Variants in AFF3 observed in about 807,000 individuals in gnomAD.
AFF3 encodes the protein ALF transcription elongation factor 3, also known as AF4/FMR2 family member 3.
AFF3 carries 32 observed loss-of-function variants against 129.7 expected under a neutral mutation model. The ratio of observed to expected loss-of-function variants is 0.25; its 90% CI spans 0.19 to 0.33. The LOEUF is 0.33. Among genes scored for constraint, AFF3 ranks in the 10% least tolerant of loss-of-function variants. AFF3 has a pLI of 1.00. For missense variants in AFF3, 1,373 were observed against 1,592.0 expected (o/e 0.86, Z 2.34); for synonymous variants, 644 against 635.4 (o/e 1.01, Z -0.20).
chr2:100,038,337 C>G (rs1252872316), intron 4 of AFF3, among the ~76,000 whole-genome samples: 4 of 151,448 alleles, frequency 2.6e-5, no homozygotes, highest in African/African-American at 9.7e-5. Context: ...TCCAGCCTTC[C>G]AGCAACAATC....
intron 7 of AFF3, among the ~76,000 whole-genome samples, chr2:99,853,368 T>A (rs1690285641): frequency 6.6e-6 from 1 of 152,216 alleles, no homozygotes; most frequent in Non-Finnish European, 1.5e-5. Context: ...TGGAGCATAA[T>A]TTTTGTTTCA....
chr2:100,096,437 T>C (rs1374402514), intron 4 of AFF3, among the ~76,000 whole-genome samples: 2 of 151,984 alleles, frequency 1.3e-5, no homozygotes, highest in Non-Finnish European at 2.9e-5. Context: ...AAATAAATAC[T>C]GCATCTAAAC....
intron 7 of AFF3, among the ~76,000 whole-genome samples, chr2:99,859,316 T>C (rs1690790841): frequency 6.6e-6 from 1 of 152,174 alleles, no homozygotes; most frequent in Admixed American, 6.5e-5. Flanking sequence ...TGGAATTTCT[T>C]TTTCTTTTGA....
chr2:99,788,286 G>A (rs1051079649), intron 8 of AFF3, among the ~76,000 whole-genome samples: 3 of 152,026 alleles, frequency 2.0e-5, no homozygotes, highest in Admixed American at 1.3e-4. Context: ...TTCCTCATGA[G>A]GTATCCAGAA....
rs1016079488 is a variant in AFF3 at position 99,877,545 on chromosome 2, G to A, written c.874-40021C>T. On this transcript the variant is annotated intron_variant, in intron 7 of 24. Transcript: ENST00000672756. ...ATAGACAGGGAACCTCCTTTATGAC[G>A]AGACTGTCACTGGCACTTTATTAAA... 3.3e-5 allele frequency among the ~76,000 whole-genome samples: 5 copies of A among 152,282 alleles called. 1 individual carries two copies. Among genetic ancestry groups the A allele is most frequent in the East Asian group, 3.9e-4 (2 of 5,178 alleles).
At chr2:100,049,859 G>A (rs1432790752) in intron 4 of AFF3, among the ~76,000 whole-genome samples, 1 of 152,150 alleles carries the variant, frequency 6.6e-6, no homozygotes, top group Non-Finnish European at 1.5e-5. Context: ...CAAACTTCAA[G>A]AAACATTACT....
intron 7 of AFF3, among the ~76,000 whole-genome samples, chr2:99,886,602 C>T (rs868389398): frequency 1.3e-5 from 2 of 152,244 alleles, no homozygotes; most frequent in East Asian, 3.9e-4. Context: ...TAGGAAAACT[C>T]CTCATTGCAT....
At chr2:99,558,747 G>C in intron 22 of AFF3, 128 bp downstream of exon 22, 1 of 770,104 alleles carries the variant, frequency 1.3e-6, no homozygotes, top group South Asian at 2.0e-5. Context: ...GGCATAAATG[G>C]GGTTACCTTG....
intron 3 of AFF3, chr2:100,104,728 G>GCCGCCC: frequency 1.1e-6 from 1 of 944,340 alleles, no homozygotes; most frequent in South Asian, 5.0e-5. Context: ...CCGCGCCGCC[G>GCCGCCC]CCGCCCCCCG....
At chr2:99,742,269 A>G (rs1680781527) in intron 10 of AFF3, among the ~76,000 whole-genome samples, 1 of 152,148 alleles carries the variant, frequency 6.6e-6, no homozygotes, top group Non-Finnish European at 1.5e-5. Context: ...GCTTGAGCCC[A>G]GGAATTCAAG....
At chr2:99,714,377 G>A (rs1678187916) in intron 11 of AFF3, among the ~76,000 whole-genome samples, 1 of 152,196 alleles carries the variant, frequency 6.6e-6, no homozygotes, top group Non-Finnish European at 1.5e-5. Flanking sequence ...TGAGGAACTT[G>A]AAGAGGCCCT....
At chr2:99,993,960 C>A (rs1218688462) in intron 7 of AFF3, among the ~76,000 whole-genome samples, 1 of 151,430 alleles carries the variant, frequency 6.6e-6, no homozygotes, top group South Asian at 2.1e-4. Flanking sequence ...CGCCCACCAC[C>A]ATGCCCGGCT....
At chr2:99,736,608 ATTTTTT>A (rs11399049) in intron 10 of AFF3, among the ~76,000 whole-genome samples, 5 of 125,706 alleles carry the variant, frequency 4.0e-5, no homozygotes, top group Non-Finnish European at 8.0e-5. Context: ...TAAATTACTG[ATTTTTT>A]TTTTTTTTTT....
intron 1 of AFF3, among the ~76,000 whole-genome samples, chr2:100,140,854 TCACTGCTCTGG>T (rs1031607320): frequency 1.6e-4 from 25 of 152,286 alleles, no homozygotes; most frequent in Admixed American, 9.1e-4. Flanking sequence ...GACTGTAATG[TCACTGCTCTGG>T]CCTTAAGTGT....
rs537012534 is a variant in AFF3 at position 99,596,844 on chromosome 2, G to A, written c.1372-2555C>T. Among the ~76,000 whole-genome samples the A allele has an allele frequency of 2.0e-5, 3 of 152,254 alleles. No homozygotes were observed. In the East Asian group the frequency reaches 5.8e-4, roughly 29 times the overall value. ...CATTTTTTCTGCACTTCACAGCTGA[G>A]GAAATCAGTTTGAAGTACCCACTTT... On this transcript the variant is annotated intron_variant, in intron 14 of 24. Coordinates refer to ENST00000672756, the MANE Select transcript of AFF3 (RefSeq NM_001386135.1).
chr2:99,933,813 C>T (rs544269926), intron 7 of AFF3, among the ~76,000 whole-genome samples: 3 of 152,238 alleles, frequency 2.0e-5, no homozygotes, highest in Admixed American at 1.3e-4. Context: ...CATACATGTA[C>T]ATGTGTGAAA....
At chr2:100,035,627 T>C (rs555223134) in intron 4 of AFF3, among the ~76,000 whole-genome samples, 2 of 152,342 alleles carry the variant, frequency 1.3e-5, no homozygotes, top group Admixed American at 6.5e-5. Context: ...TTTAGTTTAC[T>C]TAAGCATTTG....
chr2:100,127,741 C>T (rs192610470), intron 2 of AFF3, among the ~76,000 whole-genome samples: 10 of 152,314 alleles, frequency 6.6e-5, no homozygotes, highest in Admixed American at 2.0e-4. Flanking sequence ...CAGTTCTTCA[C>T]GGAGTAGGTA....
At chr2:99,981,489 A>C (rs892908643) in intron 7 of AFF3, among the ~76,000 whole-genome samples, 1 of 152,198 alleles carries the variant, frequency 6.6e-6, no homozygotes, top group Admixed American at 6.5e-5. Context: ...GAAGGATACT[A>C]GAAGTTTAGA....
Sources: gnomAD v4.1 joint callset for allele counts (sites outside exome capture counted in the v4.1 genomes callset) on GRCh38, gnomAD v4.1.1 for gene constraint, MANE v1.5 for transcripts, NCBI Gene and HGNC (gene_info 2026-07-23, HGNC 2026-07-21) for gene names.